Variants in MAPK8 observed in about 807,000 individuals in gnomAD.
MAPK8 encodes mitogen-activated protein kinase 8.
A neutral mutation model predicts 52.9 loss-of-function variants in MAPK8; 13 were observed. That is an observed-to-expected ratio of 0.25 (90% CI 0.16 to 0.39). The LOEUF (loss-of-function observed/expected upper bound fraction) is 0.39. Ranked by LOEUF, MAPK8 falls within the 10% of genes least tolerant of loss-of-function variation. The probability of loss-of-function intolerance (pLI) is 1.00; values close to 1 mark genes in which losing one functional copy is unlikely to be tolerated. For synonymous variants in MAPK8, 191 were observed against 169.8 expected, an observed-to-expected ratio of 1.12 and a Z score of -0.97; for missense variants, 300 against 519.2, an observed-to-expected ratio of 0.58 and a Z score of 4.10.
At chr10:48,363,677 A>T (rs2590379) in intron 1 of MAPK8, among the ~76,000 whole-genome samples, 5,518 of 152,224 alleles carry the variant, frequency 0.036, 280 homozygotes, top group African/African-American at 0.11. Context: ...TTTCTTACAG[A>T]ATTAAACTTA....
chr10:48,369,676 G>A (rs147036440), intron 1 of MAPK8, among the ~76,000 whole-genome samples: 4 of 152,188 alleles, frequency 2.6e-5, no homozygotes, highest in Admixed American at 6.6e-5. Flanking sequence ...AGAATCTGAG[G>A]GCTAGCAGAG....
intron 1 of MAPK8, among the ~76,000 whole-genome samples, chr10:48,362,488 T>C (rs182381654): frequency 4.0e-4 from 59 of 146,590 alleles, no homozygotes; most frequent in Non-Finnish European, 7.1e-4. Context: ...ATACTGTTCA[T>C]GTGAATTAAT....
chr10:48,405,840 C>A (rs1237388737), intron 3 of MAPK8, among the ~76,000 whole-genome samples: 1 of 152,074 alleles, frequency 6.6e-6, no homozygotes, highest in African/African-American at 2.4e-5. Flanking sequence ...ATTTTGAGAT[C>A]TAAATATGTG....
intron 1 of MAPK8, among the ~76,000 whole-genome samples, chr10:48,313,335 AG>A (rs1281970654): frequency 6.6e-6 from 1 of 152,130 alleles, no homozygotes; most frequent in Admixed American, 6.6e-5. Context: ...TGGGAGGTTG[AG>A]GCAGGAGAAT....
intron 1 of MAPK8, among the ~76,000 whole-genome samples, chr10:48,336,863 C>G (rs923076755): frequency 6.6e-6 from 1 of 151,952 alleles, no homozygotes; most frequent in Admixed American, 6.5e-5. Flanking sequence ...GATATTAAAC[C>G]AACAACAGTA....
chr10:48,334,652 G>C (rs555510282), intron 1 of MAPK8, among the ~76,000 whole-genome samples: 4 of 152,240 alleles, frequency 2.6e-5, no homozygotes, highest in African/African-American at 9.6e-5. Flanking sequence ...AATCGGGTGA[G>C]ATTCATCTCC....
At chr10:48,325,002 G>A (rs1269036715) in intron 1 of MAPK8, among the ~76,000 whole-genome samples, 1 of 149,002 alleles carries the variant, frequency 6.7e-6, no homozygotes, top group Non-Finnish European at 1.5e-5. Context: ...TTGAGATGGA[G>A]TCTTGCTCTG....
At chr10:48,427,952 A>G (rs549766052) in intron 10 of MAPK8, among the ~76,000 whole-genome samples, 166 of 152,174 alleles carry the variant, frequency 1.1e-3, no homozygotes, top group African/African-American at 3.8e-3. Flanking sequence ...GTTAGAAACA[A>G]CTCTGCAATA....
intron 1 of MAPK8, among the ~76,000 whole-genome samples, chr10:48,368,415 C>G (rs1225316962): frequency 1.3e-5 from 2 of 152,168 alleles, no homozygotes; most frequent in Non-Finnish European, 2.9e-5. Context: ...AGATTCCTCC[C>G]TGTCCTCTCC....
chr10:48,314,194 G>A (rs1306278771), intron 1 of MAPK8, among the ~76,000 whole-genome samples: 2 of 152,060 alleles, frequency 1.3e-5, no homozygotes, highest in African/African-American at 2.4e-5. Flanking sequence ...CCTGGTGAGG[G>A]TCCTTTTCCT....
chr10:48,404,857 C>G lies in MAPK8; in HGVS notation c.128C>G (p.Ala43Gly), dbSNP rs1361641151. ...TTTTGAATTTCTTATTACAGCGCAG[C>G]TTATGATGCCATTCTTGAAAGAAAT... ...GSGAQGIVCA[A>G]YDAILERNVA... Residue 43 changes from alanine to glycine, a missense_variant, in exon 3 of 12, where the codon GCT becomes GGT. Ala to Gly is a moderately conservative substitution (Grantham distance 60, BLOSUM62 0). Transcript: ENST00000374189. 2 of 1,594,448 alleles carry G rather than the reference C, an allele frequency of 1.3e-6. No homozygotes were observed.
chr10:48,410,273 G>A (rs2042677408), intron 5 of MAPK8, 105 bp downstream of exon 5: 25 of 862,412 alleles, frequency 2.9e-5, no homozygotes, highest in Non-Finnish European at 4.0e-5. Flanking sequence ...CATTCACAGT[G>A]CTGTACAACT....
chr10:48,403,917 TTG>T (rs71465463), intron 2 of MAPK8, among the ~76,000 whole-genome samples: 13,483 of 125,580 alleles, frequency 0.11, 678 homozygotes, highest in South Asian at 0.13. Context: ...CCCGGCTAAT[TTG>T]TGTGTGTGTG....
At position 48,347,950 on chromosome 10, in the gene MAPK8, C is replaced by G. The variant is rs112945590; in HGVS notation, c.-50+41129C>G. ...GCTGGGTCAAATGGTGTTTCTGGTTCTACATCCTTGAGGAATCGCCAACTG... is the reference window on the plus strand; with the variant it reads ...GCTGGGTCAAATGGTGTTTCTGGTTGTACATCCTTGAGGAATCGCCAACTG... On this transcript the variant is annotated intron_variant, in intron 1 of 11. Transcript: ENST00000374189. 5.0e-3 allele frequency among the ~76,000 whole-genome samples: 760 copies of G among 152,290 alleles called. 6 individuals carry two copies. The highest frequency in any genetic ancestry group is 0.017 in the African/African-American group (699 of 41,560).
intron 5 of MAPK8, among the ~76,000 whole-genome samples, chr10:48,412,916 A>G (rs1249714144): frequency 6.6e-6 from 1 of 152,116 alleles, no homozygotes; most frequent in South Asian, 2.1e-4. Flanking sequence ...GTGAAGATGC[A>G]ACTCTCCACC....
At chr10:48,345,171 C>A (rs975360947) in intron 1 of MAPK8, among the ~76,000 whole-genome samples, 2 of 152,032 alleles carry the variant, frequency 1.3e-5, no homozygotes, top group Non-Finnish European at 2.9e-5. Context: ...GTAAAGTATT[C>A]GGAGAATAAG....
At chr10:48,356,253 T>A (rs892436184) in intron 1 of MAPK8, among the ~76,000 whole-genome samples, 2 of 152,250 alleles carry the variant, frequency 1.3e-5, no homozygotes, top group Non-Finnish European at 2.9e-5. Flanking sequence ...GAATGGAGTT[T>A]CTGTAAGGTA....
chr10:48,321,202 A>T (rs1264682862), intron 1 of MAPK8, among the ~76,000 whole-genome samples: 1 of 148,098 alleles, frequency 6.8e-6, no homozygotes, highest in Non-Finnish European at 1.5e-5. Context: ...TACACAAATG[A>T]TCCTCCCTCC....
chr10:48,416,253 A>G (rs1328252061), intron 5 of MAPK8, among the ~76,000 whole-genome samples: 2 of 152,180 alleles, frequency 1.3e-5, no homozygotes, highest in Non-Finnish European at 2.9e-5. Flanking sequence ...GTTGCGGGTC[A>G]CTTTGTCGGA....
Sources: allele counts gnomAD v4.1 joint callset (sites outside exome capture counted in the v4.1 genomes callset), GRCh38; gene constraint gnomAD v4.1.1; transcripts MANE v1.5; gene names NCBI Gene and HGNC (gene_info 2026-07-23, HGNC 2026-07-21).